SPHK1: variants seen among roughly 807,000 people sequenced by gnomAD.
SPHK1 encodes SK 1.
A neutral mutation model predicts 14.6 loss-of-function variants in SPHK1; 10 were observed. The ratio of observed to expected loss-of-function variants is 0.68; its 90% CI spans 0.42 to 1.16. The LOEUF (loss-of-function observed/expected upper bound fraction) is 1.16. Ranked by LOEUF, SPHK1 falls within the 50% of genes most tolerant of loss-of-function variation. The pLI is 0.00. For synonymous variants in SPHK1, 274 were observed against 224.0 expected (o/e 1.22, Z -1.99); for missense variants, 553 against 525.4 (o/e 1.05, Z -0.51).
In SPHK1 at chr17:76,387,514, G is replaced by A; in HGVS notation, c.1083G>A (p.Met361Ile). The change falls in exon 6 of 6, where the codon ATG becomes ATA. Residue 361 changes from methionine to isoleucine, a missense_variant. Physicochemically the swap from Met to Ile is conservative, Grantham distance 10 (BLOSUM62 1). Coordinates refer to ENST00000592299, the MANE Select transcript of SPHK1 (RefSeq NM_001142601.2). The surrounding 1 kb of genome is among the most constrained non-coding windows in gnomAD (Gnocchi z 4.1). ...AGGTGCACCCAAACTACTTCTGGAT[G>A]GTCAGCGGTTGCGTGGAGCCCCCGC... ...QGQVHPNYFW[M>I]VSGCVEPPPS... 6.2e-7 allele frequency: 1 copy of A among 1,612,332 alleles called. No homozygotes were observed. Among genetic ancestry groups the A allele is most frequent in the Non-Finnish European group, 8.5e-7 (1 of 1,179,798 alleles).
At chr17:76,383,847 A>G, upstream of SPHK1, 1 of 1,285,564 alleles carries the variant, frequency 7.8e-7, no homozygotes, top group Non-Finnish European at 1.0e-6. Context: ...GGCACGTACC[A>G]CATGCTTGGC....
chr17:76,385,302 CG>C lies in SPHK1; in HGVS notation c.-194-144del. 1 of 1,462,774 alleles carries C rather than the reference CG, an allele frequency of 6.8e-7. No homozygotes were observed. The highest frequency in any genetic ancestry group is 9.0e-7 in the Non-Finnish European group (1 of 1,106,462). 90.6% of individuals were successfully genotyped at this position (1,462,774 alleles called of 1,614,324 possible). A position where few individuals can be genotyped will look rare whatever the true frequency, so the allele number is the denominator to read the frequency against. ...AGGGATTGTAGGCTTAGTCACACGGCGGGGGCGCCCTCGGAGGCACCGGACC... is the reference window on the plus strand; with the variant it reads ...AGGGATTGTAGGCTTAGTCACACGGCGGGGCGCCCTCGGAGGCACCGGACC... On this transcript the variant is annotated intron_variant, in intron 1 of 5. Transcript: ENST00000592299. This position sits in a 1 kb window ranked among gnomAD's most constrained non-coding sequence, Gnocchi z 5.3.
upstream of SPHK1, chr17:76,383,877 C>G (rs1304201737): frequency 1.0e-5 from 13 of 1,273,982 alleles, no homozygotes; most frequent in Admixed American, 2.1e-4. Flanking sequence ...CCGACGGGGG[C>G]CCCCAGGCCC....
chr17:76,386,594 A>G lies in SPHK1; in HGVS notation c.374+86A>G. The G allele has an allele frequency of 7.4e-7, 1 of 1,344,400 alleles. No individual in the cohort carries two copies. Among genetic ancestry groups the G allele is most frequent in the Admixed American group, 2.2e-5 (1 of 45,116 alleles). The allele number at this position is 1,344,400 out of a possible 1,614,324, so 83.3% of individuals were successfully genotyped here. A position where few individuals can be genotyped will look rare whatever the true frequency, so the allele number is the denominator to read the frequency against. On this transcript the variant is annotated intron_variant, in intron 5 of 5. Coordinates refer to ENST00000592299, the MANE Select transcript of SPHK1 (RefSeq NM_001142601.2). This position sits in a 1 kb window ranked among gnomAD's most constrained non-coding sequence, Gnocchi z 5.3. ...TTCTTGTCTAAGCTCCCATAGGCTG[A>G]GATCATTTCCATTTCCCCTTCTCCC...
Position 76,386,558 on chromosome 17 carries a change from C to T in SPHK1, c.374+50C>T, listed in dbSNP as rs557875187. On this transcript the variant is annotated intron_variant, in intron 5 of 5. Transcript: ENST00000592299. This position sits in a 1 kb window ranked among gnomAD's most constrained non-coding sequence, Gnocchi z 5.3. Reference sequence around the variant, plus strand: ...CCTGTTTCCCGTCAGTGCTCCTCTACCGCGGGGGTTTTCTTGTCTAAGCTC... The same window carrying T: ...CCTGTTTCCCGTCAGTGCTCCTCTATCGCGGGGGTTTTCTTGTCTAAGCTC... 9.8e-6 allele frequency: 15 copies of T among 1,528,410 alleles called. No homozygotes were observed. Among genetic ancestry groups the T allele is most frequent in the African/African-American group, 2.7e-5 (2 of 72,966 alleles). The allele number at this position is 1,528,410 out of a possible 1,614,324, so 94.7% of individuals were successfully genotyped here. A position where few individuals can be genotyped will look rare whatever the true frequency, so the allele number is the denominator to read the frequency against.
Position 76,385,784 on chromosome 17 carries a change from G to A in SPHK1, c.10+130G>A. On this transcript the variant is annotated intron_variant, in intron 2 of 5. Transcript: ENST00000592299. This position sits in a 1 kb window ranked among gnomAD's most constrained non-coding sequence, Gnocchi z 5.3. ...AACATTATCCCTCACGAGGCCAGAA[G>A]CCGGCCGAATCTGAGCCAAGGAAGG... is the stretch of plus-strand genomic sequence containing the variant. 7.0e-7 allele frequency: 1 copy of A among 1,425,918 alleles called. No individual in the cohort carries two copies. The allele number at this position is 1,425,918 out of a possible 1,614,324, so 88.3% of individuals were successfully genotyped here. A position where few individuals can be genotyped will look rare whatever the true frequency, so the allele number is the denominator to read the frequency against.
At position 76,387,385 on chromosome 17, in the gene SPHK1, C is replaced by G. The variant is rs181641248; in HGVS notation, c.954C>G (p.Tyr318Ter). 5 of 1,613,922 alleles carry G rather than the reference C, an allele frequency of 3.1e-6. No homozygotes were observed. In the Admixed American group the frequency reaches 8.3e-5, roughly 27 times the overall value. Residue 318 changes from tyrosine (Y) to a stop codon, truncating the protein, a stop_gained, in exon 6 of 6, where the codon TAC becomes TAG. Transcript: ENST00000592299. LOFTEE classifies it low-confidence loss of function (END_TRUNC). The surrounding 1 kb of genome is among the most constrained non-coding windows in gnomAD (Gnocchi z 4.1). ...KGRHMEYECP[Y>*]LVYVPVVAFR... ...GGCATATGGAGTATGAATGCCCCTA[C>G]TTGGTATATGTGCCCGTGGTCGCCT...
rs112422876 is a variant in SPHK1 at position 76,386,079 on chromosome 17, G to C, written c.105G>C (p.Arg35=). ...AGGGCAAGGCCTTGCAGCTCTTCCGGAGTCACGTGCAGCCCCTTTTGGCTG... is the reference window on the plus strand; with the variant it reads ...AGGGCAAGGCCTTGCAGCTCTTCCGCAGTCACGTGCAGCCCCTTTTGGCTG... The part of the protein sequence containing the change: ...GGKGKALQLF[R]SHVQPLLAEA... Residue 35 remains arginine (R), a synonymous_variant, in exon 3 of 6, where the codon CGG becomes CGC. Transcript: ENST00000592299. The surrounding 1 kb of genome is among the most constrained non-coding windows in gnomAD (Gnocchi z 5.3). 2.1e-4 allele frequency: 334 copies of C among 1,606,688 alleles called. No individual in the cohort carries two copies. The highest frequency in any genetic ancestry group is 2.7e-4 in the Non-Finnish European group (323 of 1,176,406).
chr17:76,383,593 G>A (rs550026350), upstream of SPHK1: 21 of 273,636 alleles, frequency 7.7e-5, no homozygotes, highest in South Asian at 5.4e-4. Flanking sequence ...CAGGGGCTTG[G>A]TTTCTCCTAA....
chr17:76,383,931 T>A, upstream of SPHK1: 1 of 1,171,180 alleles, frequency 8.5e-7, no homozygotes, highest in Non-Finnish European at 1.1e-6. Context: ...GCCCCCGGCC[T>A]GTCGCCTGCT....
At position 76,386,738 on chromosome 17, in the gene SPHK1, C is replaced by A; in HGVS notation, c.375-68C>A. ...ATGGCGCTTTGCCAGCTCCCACTCCCCGGGAGGAGGAAGCGGGGGATACAT... is the reference window on the plus strand; with the variant it reads ...ATGGCGCTTTGCCAGCTCCCACTCCACGGGAGGAGGAAGCGGGGGATACAT... On this transcript the variant is annotated intron_variant, in intron 5 of 5. Coordinates refer to ENST00000592299, the MANE Select transcript of SPHK1 (RefSeq NM_001142601.2). This position sits in a 1 kb window ranked among gnomAD's most constrained non-coding sequence, Gnocchi z 5.3. 2 of 1,493,050 alleles carry A rather than the reference C, an allele frequency of 1.3e-6. No individual in the cohort carries two copies. Among genetic ancestry groups the A allele is most frequent in the Non-Finnish European group, 1.8e-6 (2 of 1,118,364 alleles). 92.5% of individuals were successfully genotyped at this position (1,493,050 alleles called of 1,614,324 possible). A position where few individuals can be genotyped will look rare whatever the true frequency, so the allele number is the denominator to read the frequency against.
rs2072011865 is a variant in SPHK1, at chr17:76,387,381, C to G, written c.950C>G (p.Pro317Arg). Residue 317 changes from proline (P) to arginine (R), a missense_variant, in exon 6 of 6, where the codon CCC becomes CGC. Transcript: ENST00000592299. The surrounding 1 kb of genome is among the most constrained non-coding windows in gnomAD (Gnocchi z 4.1). ...GGCAGGCATATGGAGTATGAATGCC[C>G]CTACTTGGTATATGTGCCCGTGGTC... Reference protein sequence around the residue: ...EKGRHMEYECPYLVYVPVVAF... With the variant: ...EKGRHMEYECRYLVYVPVVAF... The G allele has an allele frequency of 6.2e-7, 1 of 1,613,796 alleles. No individual in the cohort carries two copies. Among genetic ancestry groups the G allele is most frequent in the African/African-American group, 1.3e-5 (1 of 74,872 alleles).
In SPHK1 at chr17:76,386,395, G is replaced by A. The variant is rs775648237; in HGVS notation, c.261G>A (p.Val87=). The change falls in exon 5 of 6, where the codon GTG becomes GTA. Residue 87 remains valine (V), a splice_region_variant and synonymous_variant. Coordinates refer to ENST00000592299, the MANE Select transcript of SPHK1 (RefSeq NM_001142601.2). The surrounding 1 kb of genome is among the most constrained non-coding windows in gnomAD (Gnocchi z 5.3). ...VMSGDGLMHE[V]VNGLMERPDW... Reference sequence around the variant, plus strand: ...TGAGGCCACGTGTGCTTCAACAGGTGGTGAACGGGCTCATGGAGCGGCCTG... The same window carrying A: ...TGAGGCCACGTGTGCTTCAACAGGTAGTGAACGGGCTCATGGAGCGGCCTG... The A allele has an allele frequency of 3.1e-6, 5 of 1,610,948 alleles. No homozygotes were observed. The highest frequency in any genetic ancestry group is 2.2e-5 in the East Asian group (1 of 44,802).
chr17:76,384,909 C>T (rs1369090421), intron 1 of SPHK1, 103 bp downstream of exon 1: 8 of 521,924 alleles, frequency 1.5e-5, no homozygotes, highest in Admixed American at 1.3e-4. Context: ...CGAGAGCAGG[C>T]GGCAGCTGGT....
chr17:76,385,452 T>C lies in SPHK1; in HGVS notation c.-193T>C. On this transcript the variant is annotated splice_region_variant and 5_prime_UTR_variant, in exon 2 of 6. Transcript: ENST00000592299. This position sits in a 1 kb window ranked among gnomAD's most constrained non-coding sequence, Gnocchi z 5.3. ...CCAGCGCTGTCTTCTCTCCCTCAGG[T>C]CCAGCCGCCGCAGGGAATGACGCCG... The C allele has an allele frequency of 1.3e-6, 2 of 1,542,526 alleles. No homozygotes were observed. Among genetic ancestry groups the C allele is most frequent in the Admixed American group, 1.9e-5 (1 of 52,638 alleles).
rs1026900177 is a variant in SPHK1, at chr17:76,385,235, C to T, written c.-194-216C>T. ...CTCATCCGTCGGGCCGGAACCGAAC[C>T]CCAAGCCCCAGGGAGAAAGCCCCGG... On this transcript the variant is annotated intron_variant, in intron 1 of 5. Coordinates refer to ENST00000592299, the MANE Select transcript of SPHK1 (RefSeq NM_001142601.2). This position sits in a 1 kb window ranked among gnomAD's most constrained non-coding sequence, Gnocchi z 5.3. 3.9e-6 allele frequency: 6 copies of T among 1,539,548 alleles called. No homozygotes were observed. In the African/African-American group the frequency reaches 5.5e-5, roughly 14 times the overall value.
In SPHK1 at chr17:76,387,335, C is replaced by G; in HGVS notation, c.904C>G (p.Leu302Val). 2.5e-6 allele frequency: 4 copies of G among 1,613,826 alleles called. No individual in the cohort carries two copies. In the South Asian group the frequency reaches 3.3e-5, roughly 13 times the overall value. ...AGVSRAMLLR[L>V]FLAMEKGRHM... Reference sequence around the variant, plus strand: ...AGTGTCTCGTGCCATGCTGCTGCGCCTCTTCCTGGCCATGGAGAAGGGCAG... The same window carrying G: ...AGTGTCTCGTGCCATGCTGCTGCGCGTCTTCCTGGCCATGGAGAAGGGCAG... The change falls in exon 6 of 6, where the codon CTC (leucine) becomes GTC (valine). Residue 302 changes from leucine (L) to valine (V), a missense_variant. Physicochemically the swap from Leu to Val is conservative, Grantham distance 32 (BLOSUM62 1). Coordinates refer to ENST00000592299, the MANE Select transcript of SPHK1 (RefSeq NM_001142601.2). This position sits in a 1 kb window ranked among gnomAD's most constrained non-coding sequence, Gnocchi z 4.1.
rs2071941319 is a variant in SPHK1, at chr17:76,385,147, C to T, written c.-194-304C>T. 1.9e-6 allele frequency: 3 copies of T among 1,594,914 alleles called. No homozygotes were observed. Among genetic ancestry groups the T allele is most frequent in the Non-Finnish European group, 2.6e-6 (3 of 1,172,102 alleles). ...TGGGATTTTTACGCAGCTGGACTCCCCTCCCCCTGGCAGCCCCGAGGGGTG... is the reference window on the plus strand; with the variant it reads ...TGGGATTTTTACGCAGCTGGACTCCTCTCCCCCTGGCAGCCCCGAGGGGTG... On this transcript the variant is annotated intron_variant, in intron 1 of 5. Coordinates refer to ENST00000592299, the MANE Select transcript of SPHK1 (RefSeq NM_001142601.2). The surrounding 1 kb of genome is among the most constrained non-coding windows in gnomAD (Gnocchi z 5.3).
In SPHK1 at chr17:76,387,238, C is replaced by G. The variant is rs768787697; in HGVS notation, c.807C>G (p.Gly269=). ...TGGCACTGCTGCACTCGCACCTGGG[C>G]AGTGAGATGTTTGCTGCACCCATGG... ...LVLALLHSHL[G]SEMFAAPMGR... is the part of the protein sequence containing the mutation. Residue 269 remains glycine, a synonymous_variant, in exon 6 of 6, where the codon GGC becomes GGG. Transcript: ENST00000592299. This position sits in a 1 kb window ranked among gnomAD's most constrained non-coding sequence, Gnocchi z 4.1. 3.6e-5 allele frequency: 58 copies of G among 1,613,054 alleles called. No homozygotes were observed. The South Asian group carries it at 5.4e-4, about 15-fold the overall frequency.
Sources: gnomAD v4.1 joint callset for allele counts on GRCh38, gnomAD v4.1.1 for gene constraint, Gnocchi (gnomAD v3.1) non-coding constraint, MANE v1.5 for transcripts, NCBI Gene and HGNC (gene_info 2026-07-23, HGNC 2026-07-21) for gene names.